Variants in SAE1 observed in about 807,000 individuals in gnomAD.
SAE1 encodes SUMO1 activating enzyme subunit 1, also known as SUMO-activating enzyme subunit 1.
SAE1 carries 11 observed loss-of-function variants against 40.6 expected under a neutral mutation model. The observed-to-expected ratio is 0.27, with a 90% CI of 0.17 to 0.45. The LOEUF is 0.45. SAE1 is among the 20% of genes least tolerant of loss of function. The pLI is 1.00. For synonymous variants in SAE1, 155 were observed against 154.3 expected, an observed-to-expected ratio of 1.00 and a Z score of -0.03; for missense variants, 373 against 427.3, an observed-to-expected ratio of 0.87 and a Z score of 1.12.
intron 6 of SAE1, among the ~76,000 whole-genome samples, chr19:47,179,139 C>T (rs1208310818): frequency 6.7e-6 from 1 of 149,876 alleles, no homozygotes. Flanking sequence ...TTGCAGTGAG[C>T]CGAGATCTCA....
intron 6 of SAE1, among the ~76,000 whole-genome samples, chr19:47,190,003 G>GT (rs1224080377): frequency 6.6e-6 from 1 of 152,148 alleles, no homozygotes; most frequent in Non-Finnish European, 1.5e-5. Flanking sequence ...CATATCCACA[G>GT]TTTTTTCTAT....
At chr19:47,202,533 A>G (rs1055613591) in intron 7 of SAE1, among the ~76,000 whole-genome samples, 1 of 149,890 alleles carries the variant, frequency 6.7e-6, no homozygotes, top group Non-Finnish European at 1.5e-5. Flanking sequence ...TGATCCGCCC[A>G]CCTCGACCTC....
At chr19:47,188,871 A>G (rs1360216722) in intron 6 of SAE1, among the ~76,000 whole-genome samples, 2 of 152,190 alleles carry the variant, frequency 1.3e-5, no homozygotes, top group African/African-American at 2.4e-5. Flanking sequence ...GACTATGAGG[A>G]CTGAGGTGGT....
At chr19:47,152,758 G>T in intron 3 of SAE1, 140 bp from the exon 4 acceptor site, 3 of 698,764 alleles carry the variant, frequency 4.3e-6, no homozygotes, top group Non-Finnish European at 6.8e-6. Context: ...TAGCCATAGG[G>T]CCCAAAGAAC....
At chr19:47,175,369 G>A (rs142097845) in intron 6 of SAE1, among the ~76,000 whole-genome samples, 30 of 152,250 alleles carry the variant, frequency 2.0e-4, no homozygotes, top group Middle Eastern at 3.4e-3. Flanking sequence ...AGTCATATCC[G>A]TGGTTTTATA....
chr19:47,156,530 A>G (rs1285256822), intron 5 of SAE1, among the ~76,000 whole-genome samples: 1 of 151,946 alleles, frequency 6.6e-6, no homozygotes, highest in Admixed American at 6.6e-5. Context: ...AATAACCTTT[A>G]ATAAGAAAAA....
At chr19:47,202,759 G>A (rs2058662645) in intron 7 of SAE1, among the ~76,000 whole-genome samples, 2 of 151,800 alleles carry the variant, frequency 1.3e-5, no homozygotes, top group Admixed American at 1.3e-4. Flanking sequence ...TAAAAATTCA[G>A]AGTAGCCGGG....
rs527795772 is a variant in SAE1 at position 47,154,410 on chromosome 19, T to C, written c.528-704T>C. On this transcript the variant is annotated intron_variant, in intron 4 of 8. Transcript: ENST00000270225. ...CTTTGGGTATATTATAAAGAAGTTATAGTAGTGGGAAGCAATCCAGATTAT... is the reference window on the plus strand; with the variant it reads ...CTTTGGGTATATTATAAAGAAGTTACAGTAGTGGGAAGCAATCCAGATTAT... 9.3e-4 allele frequency among the ~76,000 whole-genome samples: 140 copies of C among 150,624 alleles called. 2 individuals carry two copies. In the South Asian group the frequency reaches 0.017, roughly 19 times the overall value.
At chr19:47,152,695 C>G (rs761814844) in intron 3 of SAE1, among the ~76,000 whole-genome samples, 8 of 152,142 alleles carry the variant, frequency 5.3e-5, no homozygotes, top group Non-Finnish European at 1.2e-4. Flanking sequence ...ACGTGACGGT[C>G]TCATAACTTA....
rs372982669 is a variant in SAE1, at chr19:47,154,757, C to A, written c.528-357C>A. 3.2e-4 allele frequency among the ~76,000 whole-genome samples: 49 copies of A among 152,174 alleles called. 1 individual carries two copies. The East Asian group carries it at 8.9e-3, about 28-fold the overall frequency. ...GTGACACGCCCGCCTTGGCCTCCCA[C>A]AGTGCTGGGATTACAGGCGTGAGCC... On this transcript the variant is annotated intron_variant, in intron 4 of 8. Coordinates refer to ENST00000270225, the MANE Select transcript of SAE1 (RefSeq NM_005500.3).
chr19:47,197,293 A>G lies in SAE1; in HGVS notation c.794A>G (p.Asp265Gly). 6.2e-7 allele frequency: 1 copy of G among 1,614,074 alleles called. No individual in the cohort carries two copies. The highest frequency in any genetic ancestry group is 8.5e-7 in the Non-Finnish European group (1 of 1,179,926). The change falls in exon 7 of 9, where the codon GAT becomes GGT. Residue 265 changes from aspartate to glycine, a missense_variant. Around this residue, in one of 3 missense-constraint regions of SAE1, gnomAD observed 351 missense variants for 390.6 expected, o/e 0.90. Coordinates refer to ENST00000270225, the MANE Select transcript of SAE1 (RefSeq NM_005500.3). Reference sequence around the variant, plus strand: ...CCCAGTTCTGATACATATGAGGAAGATTCTGAGTTGTTGCTCCAGATACGA... The same window carrying G: ...CCCAGTTCTGATACATATGAGGAAGGTTCTGAGTTGTTGCTCCAGATACGA... ...RDPSSDTYEE[D>G]SELLLQIRND...
chr19:47,157,096 A>C (rs1282259367), intron 5 of SAE1, among the ~76,000 whole-genome samples: 1 of 152,216 alleles, frequency 6.6e-6, no homozygotes, highest in Non-Finnish European at 1.5e-5. Flanking sequence ...AGAAAACCAC[A>C]AAAGTGGAAC....
Position 47,209,211 on chromosome 19 carries a change from T to G in SAE1, c.1001T>G (p.Met334Arg), listed in dbSNP as rs2058700729. 6.2e-7 allele frequency: 1 copy of G among 1,613,996 alleles called. No individual in the cohort carries two copies. The highest frequency in any genetic ancestry group is 1.3e-5 in the African/African-American group (1 of 74,886). ...PHNNFFFFDG[M>R]KGNGIVECLG... ...AACAACTTCTTCTTCTTCGATGGCA[T>G]GAAGGGGAATGGGATTGTGGAGTGC... Residue 334 changes from methionine to arginine, a missense_variant, in exon 9 of 9, where the codon ATG (methionine) becomes AGG (arginine). This residue lies in a region of SAE1 where 351 missense variants were observed against 390.6 expected (regional missense o/e 0.90). Transcript: ENST00000270225.
At position 47,197,366 on chromosome 19, in the gene SAE1, G is replaced by A. The variant is rs1190083219; in HGVS notation, c.867G>A (p.Glu289=). Reference sequence around the variant, plus strand: ...GTATTAGTCCTGACCTGCTTCCTGAGGACTTTGTCAGGTTGGTGTCAGTAT... The same window carrying A: ...GTATTAGTCCTGACCTGCTTCCTGAAGACTTTGTCAGGTTGGTGTCAGTAT... ...SLGISPDLLP[E]DFVRYCFSEM... is the part of the protein sequence containing the mutation. Residue 289 remains glutamate, a synonymous_variant, in exon 7 of 9, where the codon GAG becomes GAA. Transcript: ENST00000270225. The A allele has an allele frequency of 6.2e-7, 1 of 1,612,466 alleles. No individual in the cohort carries two copies. Among genetic ancestry groups the A allele is most frequent in the African/African-American group, 1.3e-5 (1 of 74,918 alleles).
At chr19:47,147,341 GACTAC>G (rs1416618434) in intron 2 of SAE1, among the ~76,000 whole-genome samples, 1 of 149,170 alleles carries the variant, frequency 6.7e-6, no homozygotes, top group Non-Finnish European at 1.5e-5. Context: ...CAGTAGTTGG[GACTAC>G]AGGTGCACGC....
chr19:47,167,522 G>C (rs1178328882), intron 5 of SAE1, among the ~76,000 whole-genome samples: 4 of 152,278 alleles, frequency 2.6e-5, no homozygotes, highest in African/African-American at 7.2e-5. Context: ...TTACAGGTGT[G>C]AGCCACTGCG....
chr19:47,152,857 T>G lies in SAE1; in HGVS notation c.385-41T>G, dbSNP rs745818408. The G allele has an allele frequency of 2.5e-6, 4 of 1,601,406 alleles. No individual in the cohort carries two copies. In the East Asian group the frequency reaches 9.0e-5, roughly 36 times the overall value. ...TAGACATCAGGGCAGTGATTCACAGTTTGCAAAACTCAAACCCAGCCAATT... is the reference window on the plus strand; with the variant it reads ...TAGACATCAGGGCAGTGATTCACAGGTTGCAAAACTCAAACCCAGCCAATT... On this transcript the variant is annotated intron_variant, in intron 3 of 8. Transcript: ENST00000270225.
chr19:47,170,503 C>CTTTTTTTTTTTTTTTTT (rs34836827), intron 6 of SAE1, among the ~76,000 whole-genome samples: 1 of 83,910 alleles, frequency 1.2e-5, no homozygotes, highest in Non-Finnish European at 2.2e-5. Context: ...CGCCCCCCGC[C>CTTTTTTTTTTTTTTTTT]TTTTTTTTTT....
chr19:47,188,273 T>G (rs1432781324), intron 6 of SAE1, among the ~76,000 whole-genome samples: 2 of 151,358 alleles, frequency 1.3e-5, no homozygotes, highest in Non-Finnish European at 2.9e-5. Flanking sequence ...ATCACTTGAG[T>G]TCAGGAGGTC....
Sources: allele counts gnomAD v4.1 joint callset (sites outside exome capture counted in the v4.1 genomes callset), GRCh38; gene constraint gnomAD v4.1.1; regional missense constraint gnomAD v4.1.1; transcripts MANE v1.5; gene names NCBI Gene and HGNC (gene_info 2026-07-23, HGNC 2026-07-21).